Variants in NUP160 observed in about 807,000 individuals in gnomAD.
The protein encoded by NUP160 is nucleoporin 160.
Under a neutral mutation model 196.9 loss-of-function variants are expected in NUP160, and 94 were observed. The ratio of observed to expected loss-of-function variants is 0.48; its 90% CI spans 0.40 to 0.57. The LOEUF (loss-of-function observed/expected upper bound fraction) is 0.57. Ranked by LOEUF, NUP160 falls within the 20% of genes least tolerant of loss-of-function variation. NUP160 has a pLI of 0.00. For missense variants in NUP160, 1,638 were observed against 1,748.3 expected (o/e 0.94, Z 1.13); for synonymous variants, 605 against 619.7 (o/e 0.98, Z 0.35).
intron 2 of NUP160, 44 bp from the exon 3 acceptor site, chr11:47,840,632 C>A: frequency 7.1e-7 from 1 of 1,410,126 alleles, no homozygotes. Context: ...ATGCTTTTCT[C>A]ACTGACTGTT....
In NUP160 at chr11:47,847,947, G is replaced by GCT; in HGVS notation, c.214_215insAG (p.Ala72GlufsTer7). 1 of 1,613,852 alleles carries GCT rather than the reference G, an allele frequency of 6.2e-7. No individual in the cohort carries two copies. The highest frequency in any genetic ancestry group is 8.5e-7 in the Non-Finnish European group (1 of 1,179,790). On this transcript the variant is annotated frameshift_variant, in exon 2 of 36. Coordinates refer to ENST00000378460, the Ensembl canonical transcript of NUP160. LOFTEE classifies it high-confidence loss of function. ...ACTGTATTTTACGGCGCCAGCCACG[G>GCT]CATTTGCAGTCCCTGCAAAATGAAC... is the stretch of plus-strand genomic sequence containing the variant.
chr11:47,808,424 A>G (rs2097679020), exon 18 of NUP160: 2 of 1,613,700 alleles, frequency 1.2e-6, no homozygotes, highest in East Asian at 2.2e-5. Flanking sequence ...TCAGTTGCCA[A>G]GCACTCACTT....
At chr11:47,837,107 A>G in intron 5 of NUP160, 106 bp from the exon 6 acceptor site, 1 of 617,884 alleles carries the variant, frequency 1.6e-6, no homozygotes, top group Non-Finnish European at 2.9e-6. Context: ...CACTCTTAGC[A>G]GAAGGACCAA....
At chr11:47,790,709 G>A (rs1339359357) in intron 29 of NUP160, among the ~76,000 whole-genome samples, 1 of 152,146 alleles carries the variant, frequency 6.6e-6, no homozygotes, top group Admixed American at 6.5e-5. Flanking sequence ...AGCCATGATT[G>A]TGCCACTGCA....
chr11:47,810,596 G>C (rs2135373381), intron 17 of NUP160, among the ~76,000 whole-genome samples: 1 of 151,420 alleles, frequency 6.6e-6, no homozygotes, highest in Non-Finnish European at 1.5e-5. Context: ...ACACACGCTG[G>C]AGTGCAGTGG....
intron 7 of NUP160, among the ~76,000 whole-genome samples, 154 bp downstream of exon 7, chr11:47,835,497 C>T (rs1852155378): frequency 6.6e-6 from 1 of 152,130 alleles, no homozygotes; most frequent in Non-Finnish European, 1.5e-5. Flanking sequence ...CCTTCAAGAT[C>T]TTCTAATTCA....
At chr11:47,809,049 T>C (rs1332617715) in intron 17 of NUP160, among the ~76,000 whole-genome samples, 5 of 150,876 alleles carry the variant, frequency 3.3e-5, no homozygotes, top group African/African-American at 1.2e-4. Flanking sequence ...TGCAGTGAGC[T>C]GAGATCGCGC....
chr11:47,815,892 C>A (rs1294293798), intron 12 of NUP160, 54 bp downstream of exon 12: 6 of 1,353,682 alleles, frequency 4.4e-6, no homozygotes, highest in African/African-American at 1.4e-5. Flanking sequence ...CAGTACCAAT[C>A]TGCCCTATAT....
intron 9 of NUP160, among the ~76,000 whole-genome samples, chr11:47,821,043 G>T (rs1851847213): frequency 6.6e-6 from 1 of 152,068 alleles, no homozygotes; most frequent in South Asian, 2.1e-4. Flanking sequence ...ATCTCATGAT[G>T]AGAAAATTGA....
intron 34 of NUP160, 53 bp downstream of exon 34, chr11:47,783,020 G>GA: frequency 6.7e-7 from 1 of 1,503,180 alleles, no homozygotes; most frequent in South Asian, 1.2e-5. Flanking sequence ...CTGTAAAGTT[G>GA]AAAAATCGTA....
Position 47,782,289 on chromosome 11 carries a change from T to TAAAA in NUP160, c.4116+780_4116+783dup, listed in dbSNP as rs1164772188. Among the ~76,000 whole-genome samples, 35 of 31,878 alleles carry TAAAA rather than the reference T, an allele frequency of 1.1e-3. 4 individuals carry two copies. In the African/African-American group the frequency reaches 0.014, roughly 13 times the overall value. 20.9% of individuals were successfully genotyped at this position (31,878 alleles called of 152,430 possible). Reference sequence around the variant, plus strand: ...CTTGGGCAACAGAGCAAAACTCAGTTAAAAAAAAAAAAAAATATATATATA... The same window carrying TAAAA: ...CTTGGGCAACAGAGCAAAACTCAGTTAAAAAAAAAAAAAAAAAAATATATATATA... On this transcript the variant is annotated intron_variant, in intron 34 of 35. Coordinates refer to ENST00000378460, the Ensembl canonical transcript of NUP160.
chr11:47,804,076 G>A (rs1228112046), intron 21 of NUP160, among the ~76,000 whole-genome samples: 1 of 151,942 alleles, frequency 6.6e-6, no homozygotes, highest in East Asian at 1.9e-4. Flanking sequence ...AGCTACTCGG[G>A]AGGCTGAGAC....
In NUP160 at chr11:47,837,093, T is replaced by A. The variant is rs1412550194; in HGVS notation, c.828-92A>T. On this transcript the variant is annotated intron_variant, in intron 5 of 35. Transcript: ENST00000378460. ...TCAAGAAATATAATAAAATTATAAA[T>A]GTACACTCTTAGCAGAAGGACCAAG... The A allele has an allele frequency of 1.6e-5, 11 of 697,646 alleles. No homozygotes were observed. In the South Asian group the frequency reaches 2.1e-4, roughly 13 times the overall value. The allele number at this position is 697,646 out of a possible 1,614,324, so 43.2% of individuals were successfully genotyped here.
rs147665628 is a variant in NUP160, at chr11:47,792,439, C to T, written c.3450+347G>A. On this transcript the variant is annotated intron_variant, in intron 28 of 35. Coordinates refer to ENST00000378460, the Ensembl canonical transcript of NUP160. Reference sequence around the variant, plus strand: ...AGGCACTGTTACTGTTCTAAGCAATCGACTTGAATTATCTCATTAATACCC... The same window carrying T: ...AGGCACTGTTACTGTTCTAAGCAATTGACTTGAATTATCTCATTAATACCC... 788 of 230,902 alleles carry T rather than the reference C, an allele frequency of 3.4e-3. 6 individuals are homozygous for T. Among genetic ancestry groups the T allele is most frequent in the African/African-American group, 0.017 (749 of 43,546 alleles). 14.3% of individuals were successfully genotyped at this position (230,902 alleles called of 1,614,324 possible).
At chr11:47,836,063 A>G (rs539591272) in intron 6 of NUP160, among the ~76,000 whole-genome samples, 7 of 152,300 alleles carry the variant, frequency 4.6e-5, no homozygotes, top group Admixed American at 3.3e-4. Context: ...CCTGGCCAAC[A>G]TAGTGAAACC....
intron 2 of NUP160, among the ~76,000 whole-genome samples, chr11:47,846,859 G>A (rs1014469045): frequency 4.6e-5 from 7 of 151,944 alleles, no homozygotes; most frequent in African/African-American, 1.5e-4. Context: ...TGATCCTGCC[G>A]CCCAAGTTGT....
intron 17 of NUP160, 22 bp from the exon 18 acceptor site, chr11:47,808,551 A>C: frequency 6.2e-7 from 1 of 1,602,624 alleles, no homozygotes; most frequent in Non-Finnish European, 8.5e-7. Flanking sequence ...GGGTAGGTGG[A>C]CCAGACAAGA....
intron 27 of NUP160, among the ~76,000 whole-genome samples, chr11:47,794,486 C>T (rs1368535820): frequency 6.6e-6 from 1 of 151,494 alleles, no homozygotes. Context: ...AAAACAAAAA[C>T]AGTTGGGCAC....
chr11:47,783,195 C>A (rs764675455), exon 34 of NUP160: 6 of 1,613,078 alleles, frequency 3.7e-6, no homozygotes, highest in South Asian at 2.2e-5. Flanking sequence ...GCAGCATCAA[C>A]CTTCTGTGAA....
Sources: allele counts gnomAD v4.1 joint callset (sites outside exome capture counted in the v4.1 genomes callset), GRCh38; gene constraint gnomAD v4.1.1; transcripts MANE v1.5; gene names NCBI Gene and HGNC (gene_info 2026-07-23, HGNC 2026-07-21).